Variants in PDIA5 observed in about 807,000 individuals in gnomAD.
PDIA5 encodes the protein protein disulfide isomerase family A member 5.
PDIA5 carries 58 observed loss-of-function variants against 77.6 expected under a neutral mutation model. The ratio of observed to expected loss-of-function variants is 0.75; its 90% CI spans 0.61 to 0.93. The LOEUF (loss-of-function observed/expected upper bound fraction) is 0.93. Ranked by LOEUF, PDIA5 falls within the 40% of genes least tolerant of loss-of-function variation. PDIA5 has a pLI of 0.00. For missense variants in PDIA5, 630 were observed against 647.7 expected (o/e 0.97, Z 0.30); for synonymous variants, 250 against 252.1 (o/e 0.99, Z 0.08).
chr3:123,124,473 A>G (rs1935197241), intron 10 of PDIA5, 130 bp downstream of exon 10: 3 of 743,474 alleles, frequency 4.0e-6, no homozygotes, highest in Non-Finnish European at 7.3e-6. Flanking sequence ...TACTGCCTAC[A>G]CAGCTGTCTC....
chr3:123,107,992 T>C (rs1028914510), intron 6 of PDIA5, among the ~76,000 whole-genome samples: 3 of 152,236 alleles, frequency 2.0e-5, no homozygotes, highest in African/African-American at 7.2e-5. Flanking sequence ...AGTGATGGGC[T>C]ATCACTGTTG....
At chr3:123,101,760 T>C (rs961962846) in intron 3 of PDIA5, among the ~76,000 whole-genome samples, 2 of 152,106 alleles carry the variant, frequency 1.3e-5, no homozygotes, top group African/African-American at 4.8e-5. Context: ...CGGCCAGGAT[T>C]GGAGTTTATT....
chr3:123,145,939 G>A (rs978181867), intron 12 of PDIA5, among the ~76,000 whole-genome samples, 160 bp from the exon 13 acceptor site: 1 of 148,562 alleles, frequency 6.7e-6, no homozygotes, highest in Non-Finnish European at 1.5e-5. Context: ...CCGTGCCAAT[G>A]TTCAGTTGTT....
intron 1 of PDIA5, among the ~76,000 whole-genome samples, chr3:123,069,229 G>A (rs1316342214): frequency 6.6e-6 from 1 of 152,150 alleles, no homozygotes; most frequent in Non-Finnish European, 1.5e-5. Context: ...GAAGCCGGTT[G>A]GGTTTCTTTG....
At chr3:123,143,782 G>C (rs946284052) in intron 11 of PDIA5, among the ~76,000 whole-genome samples, 1 of 152,120 alleles carries the variant, frequency 6.6e-6, no homozygotes, top group Admixed American at 6.5e-5. Flanking sequence ...CTCTTCCTTG[G>C]ATCCACCTGG....
intron 6 of PDIA5, among the ~76,000 whole-genome samples, chr3:123,109,655 C>G (rs1934817496): frequency 6.6e-6 from 1 of 151,650 alleles, no homozygotes. Flanking sequence ...AATGCACATT[C>G]ATTGTTGAAA....
chr3:123,103,653 C>A (rs1454276017), intron 5 of PDIA5, among the ~76,000 whole-genome samples: 1 of 152,160 alleles, frequency 6.6e-6, no homozygotes, highest in Non-Finnish European at 1.5e-5. Context: ...TCCCCACCAT[C>A]TCTCCAGGTC....
intron 14 of PDIA5, among the ~76,000 whole-genome samples, chr3:123,154,730 A>C (rs891298298): frequency 2.0e-5 from 3 of 152,136 alleles, no homozygotes; most frequent in African/African-American, 7.2e-5. Context: ...ATCGCCCCCC[A>C]GCCTGGGCAG....
intron 11 of PDIA5, among the ~76,000 whole-genome samples, chr3:123,136,452 G>T (rs1935505980): frequency 6.6e-6 from 1 of 152,114 alleles, no homozygotes; most frequent in South Asian, 2.1e-4. Context: ...ACAACAGGGG[G>T]TTGGTTGGCT....
chr3:123,145,404 C>T (rs1935743067), intron 11 of PDIA5, 118 bp from the exon 12 acceptor site: 5 of 704,434 alleles, frequency 7.1e-6, no homozygotes. Context: ...GCTGGTGCTG[C>T]TGCTGCTTTT....
intron 1 of PDIA5, among the ~76,000 whole-genome samples, chr3:123,077,945 G>A (rs1933898569): frequency 6.6e-6 from 1 of 151,934 alleles, no homozygotes; most frequent in East Asian, 1.9e-4. Context: ...GAGTAGCTGG[G>A]ACTACAGGCA....
intron 2 of PDIA5, among the ~76,000 whole-genome samples, chr3:123,090,398 A>G (rs1205328011): frequency 6.6e-6 from 1 of 152,234 alleles, no homozygotes; most frequent in Non-Finnish European, 1.5e-5. Context: ...ACTGTCAGTG[A>G]TAGACACGCT....
chr3:123,130,688 A>C, intron 11 of PDIA5, 72 bp downstream of exon 11: 1 of 1,535,196 alleles, frequency 6.5e-7, no homozygotes, highest in African/African-American at 1.4e-5. Context: ...GGCGCTTTGC[A>C]ATGTGAACCC....
chr3:123,150,931 T>C (rs929621430), intron 14 of PDIA5, among the ~76,000 whole-genome samples: 5 of 152,238 alleles, frequency 3.3e-5, no homozygotes, highest in Admixed American at 6.5e-5. Flanking sequence ...AAGTTGTTAA[T>C]TGATACTTAC....
chr3:123,136,842 G>T (rs1935516713), intron 11 of PDIA5, among the ~76,000 whole-genome samples: 1 of 151,526 alleles, frequency 6.6e-6, no homozygotes, highest in Non-Finnish European at 1.5e-5. Context: ...TTGTCAATAG[G>T]TCTCGAAGAT....
chr3:123,132,576 C>T (rs1195558147), intron 11 of PDIA5, among the ~76,000 whole-genome samples: 1 of 152,204 alleles, frequency 6.6e-6, no homozygotes, highest in African/African-American at 2.4e-5. Flanking sequence ...TCTGCTAGGG[C>T]CTTGGTGAGG....
chr3:123,102,422 G>A lies in PDIA5; in HGVS notation c.269G>A (p.Ser90Asn). ...ICWVDCGDAE[S>N]RKLCKKMKVD... ...TTTGTGTCTTCCAGTGATGCAGAGA[G>A]TAGAAAATTGTGCAAGAAGATGAAA... The change falls in exon 4 of 17, where the codon AGT becomes AAT. Residue 90 changes from serine (S) to asparagine (N), a missense_variant. Ser to Asn is a conservative substitution (Grantham distance 46, BLOSUM62 1). Transcript: ENST00000316218. The A allele has an allele frequency of 6.2e-7, 1 of 1,613,668 alleles. No individual in the cohort carries two copies. The highest frequency in any genetic ancestry group is 8.5e-7 in the Non-Finnish European group (1 of 1,179,520).
intron 3 of PDIA5, among the ~76,000 whole-genome samples, chr3:123,101,100 T>C (rs1430410735): frequency 6.6e-6 from 1 of 152,114 alleles, no homozygotes; most frequent in Non-Finnish European, 1.5e-5. Flanking sequence ...AGGTCAGGTC[T>C]CTAAGGGACT....
Position 123,106,773 on chromosome 3 carries a change from C to T in PDIA5, c.412C>T (p.Pro138Ser). Residue 138 changes from proline to serine, a missense_variant, in exon 6 of 17, where the codon CCA (proline) becomes TCA (serine). Transcript: ENST00000316218. The stretch of plus-strand genomic sequence containing the variant: ...GTCCATAGTGGCCTTTTTGAAGGAT[C>T]CAAAAGGGCCCCCACTGTGGGAGGA... Reference protein sequence around the residue: ...FKSIVAFLKDPKGPPLWEEDP... With the variant: ...FKSIVAFLKDSKGPPLWEEDP... 1 of 1,612,174 alleles carries T rather than the reference C, an allele frequency of 6.2e-7. No homozygotes were observed. Among genetic ancestry groups the T allele is most frequent in the Non-Finnish European group, 8.5e-7 (1 of 1,178,988 alleles).
Sources: gnomAD v4.1 joint callset for allele counts (sites outside exome capture counted in the v4.1 genomes callset) on GRCh38, gnomAD v4.1.1 for gene constraint, MANE v1.5 for transcripts, NCBI Gene and HGNC (gene_info 2026-07-23, HGNC 2026-07-21) for gene names.